TSPAN16: variants seen among roughly 807,000 people sequenced by gnomAD.
TSPAN16 encodes tetraspanin-16.
A neutral mutation model predicts 25.2 loss-of-function variants in TSPAN16; 23 were observed. The observed-to-expected ratio is 0.91, with a 90% CI of 0.66 to 1.29. The LOEUF is 1.29. Ranked by LOEUF, TSPAN16 falls within the 50% of genes most tolerant of loss-of-function variation. TSPAN16 has a pLI of 0.00. For missense variants in TSPAN16, 272 were observed against 299.9 expected (o/e 0.91, Z 0.69); for synonymous variants, 123 against 124.4 (o/e 0.99, Z 0.08).
exon 7 of TSPAN16, chr19:11,326,851 C>A (rs1192729412): frequency 7.7e-6 from 5 of 645,336 alleles, no homozygotes; most frequent in East Asian, 6.0e-5. Flanking sequence ...CTAAAGCGAT[C>A]CCCCCGCCTA....
At chr19:11,321,837 C>A (rs2080781636) in intron 6 of TSPAN16, among the ~76,000 whole-genome samples, 1 of 152,128 alleles carries the variant, frequency 6.6e-6, no homozygotes, top group Non-Finnish European at 1.5e-5. Flanking sequence ...GGGGAGAGAA[C>A]TGAGCTTTTT....
chr19:11,313,262 CCAG>C (rs1231072160), intron 6 of TSPAN16, among the ~76,000 whole-genome samples: 1 of 152,012 alleles, frequency 6.6e-6, no homozygotes, highest in Non-Finnish European at 1.5e-5. Context: ...GCCTGTAATC[CCAG>C]AATTTTGGGA....
At chr19:11,298,699 T>G (rs977222173) in intron 2 of TSPAN16, among the ~76,000 whole-genome samples, 173 bp from the exon 3 acceptor site, 1 of 152,132 alleles carries the variant, frequency 6.6e-6, no homozygotes, top group Non-Finnish European at 1.5e-5. Flanking sequence ...CCTAAAGTGC[T>G]GGGATTACAA....
intron 4 of TSPAN16, among the ~76,000 whole-genome samples, chr19:11,302,623 A>G (rs1247466406): frequency 2.7e-5 from 4 of 145,612 alleles, no homozygotes; most frequent in African/African-American, 7.6e-5. Flanking sequence ...ATGTATATAA[A>G]TATATATATA....
At position 11,301,214 on chromosome 19, in the gene TSPAN16, C is replaced by G; in HGVS notation, c.356C>G (p.Ala119Gly). 2 of 1,613,842 alleles carry G rather than the reference C, an allele frequency of 1.2e-6. No homozygotes were observed. The highest frequency in any genetic ancestry group is 1.7e-6 in the Non-Finnish European group (2 of 1,179,904). Residue 119 changes from alanine (A) to glycine (G), a missense_variant, in exon 4 of 7, where the codon GCC becomes GGC. By Grantham distance (60) the Ala-to-Gly change is moderately conservative. Coordinates refer to ENST00000590327, the MANE Select transcript of TSPAN16 (RefSeq NM_001282509.2). ...CCTCTCTGTGAGGTTGGAGATGTGG[C>G]CTTGGAACACACCTTCGTGACCCTG... is the stretch of plus-strand genomic sequence containing the variant. Reference protein sequence around the residue: ...LLFFPIVGDVALEHTFVTLRK... With the variant: ...LLFFPIVGDVGLEHTFVTLRK...
chr19:11,302,910 T>C lies in TSPAN16; in HGVS notation c.450+1602T>C, dbSNP rs191106937. Among the ~76,000 whole-genome samples the C allele has an allele frequency of 2.6e-3, 372 of 145,212 alleles. 3 individuals carry two copies. The highest frequency in any genetic ancestry group is 9.4e-3 in the African/African-American group (351 of 37,174). On this transcript the variant is annotated intron_variant, in intron 4 of 6. Transcript: ENST00000590327. ...ATTTTTTTTTTTTTTTTTGTAGATA[T>C]GGGGTTTCACCATGTTGCTCAGGCT...
chr19:11,325,310 G>A (rs1251285772), intron 6 of TSPAN16: 2 of 832,476 alleles, frequency 2.4e-6, no homozygotes, highest in South Asian at 1.7e-5. Flanking sequence ...GGATTGCCCT[G>A]AGCTTGGAGA....
At chr19:11,307,135 T>C (rs2080637697) in intron 5 of TSPAN16, among the ~76,000 whole-genome samples, 1 of 148,918 alleles carries the variant, frequency 6.7e-6, no homozygotes, top group Non-Finnish European at 1.5e-5. Context: ...AGTTAGTTAT[T>C]TTGAGATGGA....
downstream of TSPAN16, among the ~76,000 whole-genome samples, chr19:11,319,964 G>T (rs1449374818): frequency 6.6e-6 from 1 of 151,878 alleles, no homozygotes; most frequent in Non-Finnish European, 1.5e-5. Flanking sequence ...ACAGGCGCCC[G>T]CCACCACGCC....
At chr19:11,318,604 T>C (rs1269493415), downstream of TSPAN16, among the ~76,000 whole-genome samples, 1 of 152,176 alleles carries the variant, frequency 6.6e-6, no homozygotes, top group Non-Finnish European at 1.5e-5. Flanking sequence ...CCTGAACCAA[T>C]TCTTTCAGAA....
intron 4 of TSPAN16, among the ~76,000 whole-genome samples, chr19:11,302,661 A>ATATATATATATG (rs1491107301): frequency 2.9e-5 from 3 of 101,862 alleles, no homozygotes; most frequent in African/African-American, 1.4e-4. Flanking sequence ...ATACACATAC[A>ATATATATATATG]TATATATATA....
At chr19:11,302,643 A>C (rs1400453214) in intron 4 of TSPAN16, among the ~76,000 whole-genome samples, 1 of 133,620 alleles carries the variant, frequency 7.5e-6, no homozygotes, top group Non-Finnish European at 1.5e-5. Context: ...ACACACATAC[A>C]TATATATATA....
At chr19:11,311,970 G>A (rs2080696365) in intron 5 of TSPAN16, among the ~76,000 whole-genome samples, 169 bp from the exon 6 acceptor site, 1 of 152,132 alleles carries the variant, frequency 6.6e-6, no homozygotes, top group South Asian at 2.1e-4. Flanking sequence ...GTGGCGGGGA[G>A]CGGGTGGCAG....
chr19:11,320,499 A>G (rs1238279593), downstream of TSPAN16, among the ~76,000 whole-genome samples: 1 of 151,818 alleles, frequency 6.6e-6, no homozygotes, highest in Non-Finnish European at 1.5e-5. Flanking sequence ...GCAACATAGC[A>G]AGATCCCATC....
At chr19:11,304,371 G>T (rs1021767171) in intron 4 of TSPAN16, among the ~76,000 whole-genome samples, 2 of 151,052 alleles carry the variant, frequency 1.3e-5, no homozygotes, top group Non-Finnish European at 2.9e-5. Context: ...AGACAGAGTC[G>T]TACTCCCAAA....
chr19:11,306,008 C>T (rs1420859764), intron 4 of TSPAN16, among the ~76,000 whole-genome samples: 4 of 152,116 alleles, frequency 2.6e-5, no homozygotes, highest in Non-Finnish European at 4.4e-5. Context: ...TGGCTCACGC[C>T]GCTAATCCCA....
At chr19:11,305,485 G>A (rs989084659) in intron 4 of TSPAN16, among the ~76,000 whole-genome samples, 51 of 151,716 alleles carry the variant, frequency 3.4e-4, no homozygotes, top group African/African-American at 1.1e-3. Flanking sequence ...AGCCAAGATC[G>A]CGCCATTGCA....
At chr19:11,303,256 C>T (rs1018601493) in intron 4 of TSPAN16, among the ~76,000 whole-genome samples, 3 of 141,566 alleles carry the variant, frequency 2.1e-5, no homozygotes, top group African/African-American at 5.8e-5. Context: ...TGTGACCTTA[C>T]CCCCAACCCT....
intron 5 of TSPAN16, among the ~76,000 whole-genome samples, chr19:11,308,692 C>G (rs1029856165): frequency 6.6e-6 from 1 of 152,042 alleles, no homozygotes; most frequent in Non-Finnish European, 1.5e-5. Context: ...CCAGGATGGT[C>G]TCCATCTCCT....
Sources: gnomAD v4.1 joint callset for allele counts (sites outside exome capture counted in the v4.1 genomes callset) on GRCh38, gnomAD v4.1.1 for gene constraint, MANE v1.5 for transcripts, NCBI Gene and HGNC (gene_info 2026-07-23, HGNC 2026-07-21) for gene names.